Variants in ANKRD44 observed in about 807,000 individuals in gnomAD.
ANKRD44 encodes serine/threonine-protein phosphatase 6 regulatory ankyrin repeat subunit B.
ANKRD44 carries 35 observed loss-of-function variants against 116.0 expected under a neutral mutation model. The observed-to-expected ratio is 0.30, with a 90% CI of 0.23 to 0.40. The LOEUF is 0.40. Ranked by LOEUF, ANKRD44 falls within the 10% of genes least tolerant of loss-of-function variation. The pLI is 1.00. For missense variants in ANKRD44, 1,014 were observed against 1,242.6 expected (o/e 0.82, Z 2.77); for synonymous variants, 435 against 461.8 (o/e 0.94, Z 0.74).
At chr2:197,044,430 G>C (rs1319120589) in intron 16 of ANKRD44, among the ~76,000 whole-genome samples, 1 of 152,096 alleles carries the variant, frequency 6.6e-6, no homozygotes, top group Non-Finnish European at 1.5e-5. Flanking sequence ...ACAGCGGCGC[G>C]ATCTCGGCTC....
At chr2:197,141,830 C>T (rs533295787) in intron 3 of ANKRD44, among the ~76,000 whole-genome samples, 37 of 152,304 alleles carry the variant, frequency 2.4e-4, no homozygotes, top group African/African-American at 8.2e-4. Context: ...GCTTCCTCAT[C>T]CTCTTCCTCT....
intron 16 of ANKRD44, among the ~76,000 whole-genome samples, chr2:197,051,117 C>T (rs2077099000): frequency 6.6e-6 from 1 of 151,718 alleles, no homozygotes; most frequent in African/African-American, 2.4e-5. Context: ...CACACACCAC[C>T]ATGTCCAGCT....
intron 21 of ANKRD44, among the ~76,000 whole-genome samples, chr2:197,004,583 C>G (rs1003500398): frequency 1.3e-5 from 2 of 152,086 alleles, no homozygotes; most frequent in South Asian, 2.1e-4. Flanking sequence ...TTTTGCCTCT[C>G]AAATCGACAA....
rs1361599731 is a variant in ANKRD44, at chr2:197,078,758, C to G, written c.1595G>C (p.Gly532Ala). The part of the protein sequence containing the change: ...DANPSIRDKE[G>A]YNSIHYAAAY... ...GGCAGCATAATGTATGCTATTGTAA[C>G]CTTCCTTGTCCCGGATAGATGGATT... is the stretch of plus-strand genomic sequence containing the variant. Residue 532 changes from glycine (G) to alanine (A), a missense_variant, in exon 16 of 28, where the codon GGT becomes GCT. Transcript: ENST00000282272. The G allele has an allele frequency of 6.2e-7, 1 of 1,612,674 alleles. No homozygotes were observed. The highest frequency in any genetic ancestry group is 1.3e-5 in the African/African-American group (1 of 74,746).
intron 2 of ANKRD44, among the ~76,000 whole-genome samples, chr2:197,184,145 G>T (rs868841737): frequency 2.0e-5 from 3 of 152,124 alleles, no homozygotes; most frequent in African/African-American, 2.4e-5. Context: ...CAAATAAGTG[G>T]CATCACTAGA....
intron 1 of ANKRD44, among the ~76,000 whole-genome samples, chr2:197,230,710 T>C (rs2081838354): frequency 6.6e-6 from 1 of 152,188 alleles, no homozygotes; most frequent in African/African-American, 2.4e-5. Context: ...TTTCTTTCTT[T>C]CTCATGTTAC....
At chr2:197,021,247 A>G (rs2076493356) in intron 17 of ANKRD44, among the ~76,000 whole-genome samples, 1 of 152,204 alleles carries the variant, frequency 6.6e-6, no homozygotes, top group African/African-American at 2.4e-5. Context: ...AAATAGTGCC[A>G]CAATAAACAT....
chr2:197,272,216 T>C (rs2082916800), intron 1 of ANKRD44, among the ~76,000 whole-genome samples: 1 of 152,054 alleles, frequency 6.6e-6, no homozygotes, highest in South Asian at 2.1e-4. Flanking sequence ...TTCTATTGTT[T>C]TATTTGTTTG....
At position 197,129,361 on chromosome 2, in the gene ANKRD44, C is replaced by T. The variant is rs988020301; in HGVS notation, c.262-3324G>A. On this transcript the variant is annotated intron_variant, in intron 4 of 27. Coordinates refer to ENST00000282272, the MANE Select transcript of ANKRD44 (RefSeq NM_001195144.2). ...ATGTTGGCCAGGCTGATCTTGAACT[C>T]CTGACCTCAGTGATCCGCCTGCCTC... 1.1e-4 allele frequency among the ~76,000 whole-genome samples: 17 copies of T among 152,168 alleles called. 1 individual carries two copies. Among genetic ancestry groups the T allele is most frequent in the Admixed American group, 9.2e-4 (14 of 15,282 alleles).
chr2:196,999,192 C>T, intron 23 of ANKRD44, 140 bp from the exon 24 acceptor site: 1 of 968,700 alleles, frequency 1.0e-6, no homozygotes, highest in East Asian at 2.7e-5. Context: ...GGTCCCCTCC[C>T]TCTAAAGGTC....
At chr2:197,292,762 T>C (rs1654336466) in intron 1 of ANKRD44, among the ~76,000 whole-genome samples, 2 of 152,172 alleles carry the variant, frequency 1.3e-5, no homozygotes, top group African/African-American at 4.8e-5. Context: ...GGATCGGTGA[T>C]GGAAATCACA....
At chr2:197,147,202 T>A in intron 2 of ANKRD44, 97 bp from the exon 3 acceptor site, 2 of 979,580 alleles carry the variant, frequency 2.0e-6, no homozygotes, top group Non-Finnish European at 3.2e-6. Context: ...CTGTGGTTAA[T>A]GCATGTGGAA....
chr2:197,089,978 A>T lies in ANKRD44; in HGVS notation c.1155T>A (p.Ser385=), dbSNP rs369658706. 1.9e-6 allele frequency: 3 copies of T among 1,614,012 alleles called. No individual in the cohort carries two copies. In the African/African-American group the frequency reaches 4.0e-5, roughly 22 times the overall value. ...PLHLAALNAH[S]DCCRKLLSSG... is the part of the protein sequence containing the mutation. ...ATGATAACAACTTTCTGCAGCAGTC[A>T]GAGTGAGCATTTAGGGCAGCTAAAT... The change falls in exon 11 of 28, where the codon TCT becomes TCA. Residue 385 remains serine, a synonymous_variant. Coordinates refer to ENST00000282272, the MANE Select transcript of ANKRD44 (RefSeq NM_001195144.2).
At chr2:197,097,621 T>G (rs999991597) in intron 10 of ANKRD44, among the ~76,000 whole-genome samples, 1 of 152,236 alleles carries the variant, frequency 6.6e-6, no homozygotes, top group Non-Finnish European at 1.5e-5. Flanking sequence ...CTGTCATCCC[T>G]CAGCCTCATC....
chr2:196,993,080 C>T (rs547580655), intron 27 of ANKRD44, among the ~76,000 whole-genome samples: 13 of 152,102 alleles, frequency 8.5e-5, no homozygotes, highest in African/African-American at 2.7e-4. Flanking sequence ...CAAGCCTAGA[C>T]GTTAATTAAG....
intron 2 of ANKRD44, among the ~76,000 whole-genome samples, chr2:197,150,652 G>A (rs887971801): frequency 6.6e-6 from 1 of 152,096 alleles, no homozygotes; most frequent in Admixed American, 6.6e-5. Context: ...AAAATGTGAC[G>A]AACATACGGT....
chr2:197,047,239 C>G (rs1213344511), intron 16 of ANKRD44, among the ~76,000 whole-genome samples: 2 of 152,062 alleles, frequency 1.3e-5, no homozygotes, highest in Non-Finnish European at 2.9e-5. Flanking sequence ...AGACTGGTCT[C>G]TAACTCCTGA....
chr2:197,066,430 T>C (rs1202385752), intron 16 of ANKRD44, among the ~76,000 whole-genome samples: 4 of 152,180 alleles, frequency 2.6e-5, no homozygotes, highest in African/African-American at 9.7e-5. Context: ...GTGTTGGAAG[T>C]TCTGGCCAGG....
intron 16 of ANKRD44, among the ~76,000 whole-genome samples, chr2:197,065,046 G>A (rs2077401102): frequency 6.6e-6 from 1 of 152,082 alleles, no homozygotes; most frequent in Non-Finnish European, 1.5e-5. Flanking sequence ...TGACCACATA[G>A]TTGGAAGTAA....
Sources: gnomAD v4.1 joint callset for allele counts (sites outside exome capture counted in the v4.1 genomes callset) on GRCh38, gnomAD v4.1.1 for gene constraint, MANE v1.5 for transcripts, NCBI Gene and HGNC (gene_info 2026-07-23, HGNC 2026-07-21) for gene names.